Variants in PITRM1 observed in about 807,000 individuals in gnomAD.
The protein encoded by PITRM1 is presequence protease, mitochondrial.
A neutral mutation model predicts 129.9 loss-of-function variants in PITRM1; 100 were observed. The ratio of observed to expected loss-of-function variants is 0.77; its 90% confidence interval spans 0.65 to 0.91. PITRM1 has a LOEUF of 0.91. Ranked by LOEUF, PITRM1 falls within the 40% of genes least tolerant of loss-of-function variation. The probability of loss-of-function intolerance (pLI) is 0.00; values close to 1 mark genes in which losing one functional copy is unlikely to be tolerated. For missense variants in PITRM1, 1,471 were observed against 1,318.3 expected, an observed-to-expected ratio of 1.12 and a Z score of -1.79; for synonymous variants, 591 against 508.8, an observed-to-expected ratio of 1.16 and a Z score of -2.17.
rs564844894 is a variant in PITRM1 at position 3,149,697 on chromosome 10, G to A, written c.1795C>T (p.Arg599Trp). ...AGTGTGTTCAGGCTGGAGAAGGCCC[G>A]GAAATACACCATGCCATTGGTGGGC... ...AQPTNGMVYF[R>W]AFSSLNTLPE... Residue 599 changes from arginine to tryptophan, a missense_variant, in exon 16 of 27, where the codon CGG (arginine) becomes TGG (tryptophan). Arg to Trp is a moderately radical substitution (Grantham distance 101). Coordinates refer to ENST00000224949, the MANE Select transcript of PITRM1 (RefSeq NM_014889.4). The A allele has an allele frequency of 6.7e-5, 108 of 1,611,490 alleles. No homozygotes were observed. The East Asian group carries it at 1.6e-3, about 24-fold the overall frequency.
intron 6 of PITRM1, among the ~76,000 whole-genome samples, chr10:3,164,906 T>G (rs1210410512): frequency 6.6e-6 from 1 of 152,208 alleles, no homozygotes; most frequent in African/African-American, 2.4e-5. Flanking sequence ...TCACACACCT[T>G]GCCATGCAGC....
chr10:3,144,597 G>T (rs1282835615), intron 21 of PITRM1, among the ~76,000 whole-genome samples: 3 of 152,174 alleles, frequency 2.0e-5, no homozygotes. Context: ...GGGTCCAGGA[G>T]TCTGAGACCA....
rs1839930204 is a variant in PITRM1 at position 3,139,159 on chromosome 10, T to C, written c.2772-110A>G. The stretch of plus-strand genomic sequence containing the variant: ...ATCTTCTATGGGTTAACAGCTCTAT[T>C]TTATATCTGATTTAGTCCAAACAGC... On this transcript the variant is annotated intron_variant, in intron 24 of 26. Coordinates refer to ENST00000224949, the MANE Select transcript of PITRM1 (RefSeq NM_014889.4). The C allele has an allele frequency of 3.3e-6, 3 of 905,140 alleles. No individual in the cohort carries two copies. In the East Asian group the frequency reaches 7.2e-5, roughly 22 times the overall value. 56.1% of individuals were successfully genotyped at this position (905,140 alleles called of 1,614,324 possible). A position where few individuals can be genotyped will look rare whatever the true frequency, so the allele number is the denominator to read the frequency against.
chr10:3,170,958 CG>C (rs145177815), intron 1 of PITRM1, among the ~76,000 whole-genome samples: 3,646 of 150,700 alleles, frequency 0.024, 144 homozygotes, highest in East Asian at 0.15. Context: ...GCAAGACTGT[CG>C]GAAAAAAAAG....
intron 11 of PITRM1, 75 bp downstream of exon 11, chr10:3,157,965 T>A: frequency 2.2e-6 from 2 of 889,876 alleles, no homozygotes; most frequent in South Asian, 2.7e-5. Flanking sequence ...AAACAATGGA[T>A]CAGGCTCAGC....
chr10:3,147,939 G>T, intron 18 of PITRM1, 48 bp downstream of exon 18: 1 of 1,426,458 alleles, frequency 7.0e-7, no homozygotes, highest in Non-Finnish European at 9.9e-7. Context: ...TTCAAACAAA[G>T]ATCTCTAGTA....
intron 23 of PITRM1, chr10:3,141,361 T>A (rs933972677): frequency 4.9e-6 from 1 of 202,906 alleles, no homozygotes; most frequent in East Asian, 1.4e-4. Context: ...CTTGTTCCAA[T>A]GCACATGTGG....
chr10:3,140,978 T>A (rs2131811633), intron 23 of PITRM1, among the ~76,000 whole-genome samples, 166 bp from the exon 24 acceptor site: 1 of 152,362 alleles, frequency 6.6e-6, no homozygotes, highest in Middle Eastern at 3.4e-3. Flanking sequence ...GGTCTCGCTC[T>A]GTCGCCAGGC....
chr10:3,158,051 A>C lies in PITRM1; in HGVS notation c.1239T>G (p.Asp413Glu). ...CAAGCTACACTCACTCAACTACTTC[A>C]TCAATCGTTCTGTCTATGAGGCTTC... is the stretch of plus-strand genomic sequence containing the variant. ...TVRSLIDRTIDEVVEKGFEDD... is the reference protein window; with the variant it reads ...TVRSLIDRTIEEVVEKGFEDD... The change falls in exon 11 of 27, where the codon GAT becomes GAG. Residue 413 changes from aspartate to glutamate, a missense_variant. Physicochemically the swap from Asp to Glu is conservative, Grantham distance 45. Coordinates refer to ENST00000224949, the MANE Select transcript of PITRM1 (RefSeq NM_014889.4). The C allele has an allele frequency of 6.3e-7, 1 of 1,596,462 alleles. No individual in the cohort carries two copies. Among genetic ancestry groups the C allele is most frequent in the Non-Finnish European group, 8.6e-7 (1 of 1,163,632 alleles).
chr10:3,145,044 T>C (rs1840706612), intron 21 of PITRM1: 1 of 153,372 alleles, frequency 6.5e-6, no homozygotes, highest in Non-Finnish European at 1.5e-5. Context: ...AAGGCTCCAC[T>C]CCCAGGGGCC....
At chr10:3,168,915 TACACACACACAC>T (rs61366911) in intron 2 of PITRM1, among the ~76,000 whole-genome samples, 4,234 of 142,810 alleles carry the variant, frequency 0.03, 136 homozygotes, top group African/African-American at 0.081. Context: ...AGTTTCCATC[TACACACACACAC>T]ACACACACAC....
At position 3,158,150 on chromosome 10, in the gene PITRM1, A is replaced by G; in HGVS notation, c.1140T>C (p.Tyr380=). The change falls in exon 11 of 27, where the codon TAT becomes TAC. Residue 380 remains tyrosine, a synonymous_variant. Coordinates refer to ENST00000224949, the MANE Select transcript of PITRM1 (RefSeq NM_014889.4). The part of the protein sequence containing the change: ...LGTDFSPDVG[Y]NGYTREAYFS... ...AGTAGGCCTCCCTCGTGTAGCCATT[A>G]TATCTAGAAGACAAAACCAGAAATG... 1.3e-6 allele frequency: 2 copies of G among 1,570,496 alleles called. No individual in the cohort carries two copies. The highest frequency in any genetic ancestry group is 1.1e-5 in the South Asian group (1 of 89,286).
chr10:3,156,395 T>G (rs544721966), intron 13 of PITRM1, among the ~76,000 whole-genome samples: 2 of 152,326 alleles, frequency 1.3e-5, no homozygotes, highest in African/African-American at 4.8e-5. Flanking sequence ...GGTCAAATTA[T>G]TAAATCATAT....
chr10:3,155,515 A>G (rs1841900589), intron 14 of PITRM1, 76 bp downstream of exon 14: 2 of 1,568,172 alleles, frequency 1.3e-6, no homozygotes, highest in Non-Finnish European at 1.7e-6. Context: ...CCTGCCTCCA[A>G]CTACTAACTC....
At chr10:3,159,978 C>CG (rs34500400) in intron 8 of PITRM1, 42 bp from the exon 9 acceptor site, 106,393 of 1,387,596 alleles carry the variant, frequency 0.077, 4,758 homozygotes, top group Non-Finnish European at 0.089. Flanking sequence ...CAGTGTCTGA[C>CG]GGTTGTCAAC....
Position 3,169,046 on chromosome 10 carries a change from A to C in PITRM1, c.159+1058T>G, listed in dbSNP as rs113761733. Among the ~76,000 whole-genome samples, 688 of 152,054 alleles carry C rather than the reference A, an allele frequency of 4.5e-3. 6 individuals are homozygous for C. The highest frequency in any genetic ancestry group is 0.016 in the African/African-American group (648 of 41,438). ...AGCCCAGGAGTTCGAGGCTGCAGTG[A>C]GCCAAGATCATACCACCACACTCCA... On this transcript the variant is annotated intron_variant, in intron 2 of 26. Transcript: ENST00000224949.
Position 3,170,158 on chromosome 10 carries a change from C to A in PITRM1, c.105G>T (p.Glu35Asp). ...CTCCTAGTTTATACTGCAGAGCCCT[C>A]TCACAAGCCCGGTTACTGTTCCATC... ...AWRWNSNRAC[E>D]RALQYKLGDK... Residue 35 changes from glutamate (E) to aspartate (D), a missense_variant, in exon 2 of 27, where the codon GAG becomes GAT. Coordinates refer to ENST00000224949, the MANE Select transcript of PITRM1 (RefSeq NM_014889.4). The A allele has an allele frequency of 3.7e-6, 6 of 1,614,034 alleles. No homozygotes were observed. The highest frequency in any genetic ancestry group is 5.1e-6 in the Non-Finnish European group (6 of 1,179,894).
At position 3,167,052 on chromosome 10, in the gene PITRM1, C is replaced by G. The variant is rs1389073422; in HGVS notation, c.160-10G>C. 6.5e-7 allele frequency: 1 copy of G among 1,540,000 alleles called. No individual in the cohort carries two copies. Among genetic ancestry groups the G allele is most frequent in the East Asian group, 2.3e-5 (1 of 44,050 alleles). ...CGGGAACAGATGTCACCTGAGTTAA[C>G]AAGAAAAACACGACCAGTTAAACTT... is the stretch of plus-strand genomic sequence containing the variant. On this transcript the variant is annotated splice_polypyrimidine_tract_variant and intron_variant, in intron 2 of 26. Coordinates refer to ENST00000224949, the MANE Select transcript of PITRM1 (RefSeq NM_014889.4).
chr10:3,152,635 C>G (rs1046335275), intron 14 of PITRM1, among the ~76,000 whole-genome samples: 2 of 152,248 alleles, frequency 1.3e-5, no homozygotes, highest in Non-Finnish European at 1.5e-5. Flanking sequence ...TGGCACGGAG[C>G]TCAGACCTGG....
Sources: gnomAD v4.1 joint callset for allele counts (sites outside exome capture counted in the v4.1 genomes callset) on GRCh38, gnomAD v4.1.1 for gene constraint, MANE v1.5 for transcripts, NCBI Gene and HGNC (gene_info 2026-07-23, HGNC 2026-07-21) for gene names.